The following EPHA3 variants were observed in gnomAD, a reference collection of about 807,000 sequenced individuals.
EPHA3 encodes the protein ephrin type-A receptor 3.
In EPHA3, 42 loss-of-function variants were observed where a neutral mutation model predicts 107.1. That is an observed-to-expected ratio of 0.39 (90% CI 0.31 to 0.51). The LOEUF (loss-of-function observed/expected upper bound fraction) is 0.51, where lower values mean the gene tolerates loss of function less well. Ranked by LOEUF, EPHA3 falls within the 20% of genes least tolerant of loss-of-function variation. The pLI is 0.78. For missense variants in EPHA3, 1,183 were observed against 1,211.2 expected (o/e 0.98, Z 0.35); for synonymous variants, 461 against 424.8 (o/e 1.09, Z -1.05).
intron 5 of EPHA3, among the ~76,000 whole-genome samples, chr3:89,393,245 G>C (rs1191824652): frequency 6.6e-6 from 1 of 152,094 alleles, no homozygotes; most frequent in Non-Finnish European, 1.5e-5. Flanking sequence ...AGTAAGTGTG[G>C]AATTACAAAA....
intron 5 of EPHA3, among the ~76,000 whole-genome samples, chr3:89,370,999 C>G (rs960627793): frequency 6.6e-6 from 1 of 151,656 alleles, no homozygotes; most frequent in East Asian, 1.9e-4. Flanking sequence ...AATAAAAGAA[C>G]TACCAAGGAA....
intron 3 of EPHA3, among the ~76,000 whole-genome samples, chr3:89,315,969 T>A (rs2107369637): frequency 6.6e-6 from 1 of 151,922 alleles, no homozygotes; most frequent in South Asian, 2.1e-4. Context: ...GACCCACATG[T>A]AGAGTCAGGG....
chr3:89,481,641 GT>G lies in EPHA3; in HGVS notation c.*2141del. On this transcript the variant is annotated 3_prime_UTR_variant, in exon 17 of 17. Transcript: ENST00000336596. ...CTGTGGTTTCCATCTGAAAGTAGAG[GT>G]TGTATACACCATATACTGTTCTTCA... 1 of 232,410 alleles carries G rather than the reference GT, an allele frequency of 4.3e-6. No homozygotes were observed. Among genetic ancestry groups the G allele is most frequent in the Non-Finnish European group, 8.5e-6 (1 of 117,306 alleles). The allele number at this position is 232,410 out of a possible 1,614,324, so 14.4% of individuals were successfully genotyped here. A position where few individuals can be genotyped will look rare whatever the true frequency, so the allele number is the denominator to read the frequency against.
At chr3:89,387,127 A>C (rs1180757270) in intron 5 of EPHA3, among the ~76,000 whole-genome samples, 1 of 152,108 alleles carries the variant, frequency 6.6e-6, no homozygotes, top group African/African-American at 2.4e-5. Flanking sequence ...GAAGGGCATG[A>C]TTATGTTTTA....
intron 5 of EPHA3, among the ~76,000 whole-genome samples, chr3:89,382,935 G>GCCC: frequency 6.6e-6 from 1 of 152,278 alleles, no homozygotes; most frequent in South Asian, 2.1e-4. Flanking sequence ...GGCCTCAGAT[G>GCCC]CCAGAGCATC....
chr3:89,328,286 G>A (rs1215285488), intron 3 of EPHA3, among the ~76,000 whole-genome samples: 5 of 152,000 alleles, frequency 3.3e-5, no homozygotes, highest in African/African-American at 7.2e-5. Context: ...CCATTACATG[G>A]GAAGCAGGCA....
chr3:89,161,256 T>C (rs1184066555), intron 2 of EPHA3, among the ~76,000 whole-genome samples: 2 of 152,192 alleles, frequency 1.3e-5, no homozygotes, highest in African/African-American at 2.4e-5. Flanking sequence ...ATTCACATGG[T>C]TACAATTTCA....
chr3:89,425,577 C>A (rs1171835615), intron 11 of EPHA3, among the ~76,000 whole-genome samples: 1 of 151,228 alleles, frequency 6.6e-6, no homozygotes, highest in Non-Finnish European at 1.5e-5. Flanking sequence ...ATAGCATTTC[C>A]ATTTGAAATT....
intron 5 of EPHA3, among the ~76,000 whole-genome samples, chr3:89,342,852 T>TAG (rs1707561278): frequency 7.7e-6 from 1 of 129,800 alleles, no homozygotes; most frequent in African/African-American, 3.4e-5. Context: ...GTCTTATTTT[T>TAG]ACACATACAC....
intron 1 of EPHA3, among the ~76,000 whole-genome samples, chr3:89,116,252 T>A (rs949338159): frequency 1.3e-5 from 2 of 152,122 alleles, no homozygotes; most frequent in Admixed American, 1.3e-4. Flanking sequence ...GTGAGGAAAT[T>A]GTACAATATA....
chr3:89,314,030 T>C (rs1706835070), intron 3 of EPHA3, among the ~76,000 whole-genome samples: 1 of 152,074 alleles, frequency 6.6e-6, no homozygotes, highest in Admixed American at 6.6e-5. Context: ...GAAGAATTAA[T>C]GTTGTGTAAT....
chr3:89,152,959 C>T (rs998703723), intron 2 of EPHA3, among the ~76,000 whole-genome samples: 2 of 152,024 alleles, frequency 1.3e-5, no homozygotes, highest in Non-Finnish European at 2.9e-5. Flanking sequence ...TTTTTGTCTA[C>T]TATTTCATAA....
intron 5 of EPHA3, among the ~76,000 whole-genome samples, chr3:89,351,273 C>T (rs1576329065): frequency 1.3e-5 from 2 of 151,352 alleles, no homozygotes; most frequent in South Asian, 2.1e-4. Context: ...AGCGAGATTC[C>T]GTGGGCGTAG....
Position 89,476,669 on chromosome 3 carries a change from G to A in EPHA3, c.2847-2728G>A, listed in dbSNP as rs1391554264. ...GTCGCCCAGGCTGGAGTGCAGTGGCGCGATCTCGGCTCACTGCAAGCTCCG... is the reference window on the plus strand; with the variant it reads ...GTCGCCCAGGCTGGAGTGCAGTGGCACGATCTCGGCTCACTGCAAGCTCCG... On this transcript the variant is annotated intron_variant, in intron 16 of 16. Coordinates refer to ENST00000336596, the MANE Select transcript of EPHA3 (RefSeq NM_005233.6). 4.0e-5 allele frequency among the ~76,000 whole-genome samples: 6 copies of A among 150,742 alleles called. No individual in the cohort carries two copies. The East Asian group carries it at 5.9e-4, about 15-fold the overall frequency.
At chr3:89,324,346 T>C (rs1269837374) in intron 3 of EPHA3, among the ~76,000 whole-genome samples, 1 of 151,654 alleles carries the variant, frequency 6.6e-6, no homozygotes, top group Non-Finnish European at 1.5e-5. Flanking sequence ...TTTTTTTGTA[T>C]TTTTAGTAGA....
chr3:89,426,684 G>C (rs1022373883), intron 11 of EPHA3, among the ~76,000 whole-genome samples: 1 of 151,802 alleles, frequency 6.6e-6, no homozygotes, highest in Non-Finnish European at 1.5e-5. Context: ...ATAAGTAAAG[G>C]TCTGAGTAGT....
chr3:89,136,569 G>C (rs1399143414), intron 2 of EPHA3, among the ~76,000 whole-genome samples: 1 of 151,508 alleles, frequency 6.6e-6, no homozygotes, highest in Non-Finnish European at 1.5e-5. Context: ...CAGTGTTTAT[G>C]TTTTAGGAGA....
chr3:89,262,720 C>A (rs1224733925), intron 3 of EPHA3, among the ~76,000 whole-genome samples: 1 of 152,212 alleles, frequency 6.6e-6, no homozygotes. Flanking sequence ...GTGAACACAG[C>A]GGTAACTGGA....
intron 2 of EPHA3, among the ~76,000 whole-genome samples, chr3:89,202,411 G>A (rs1222665745): frequency 6.6e-6 from 1 of 150,550 alleles, no homozygotes; most frequent in African/African-American, 2.4e-5. Context: ...AGCTACTCCG[G>A]TGACTGAGGC....
Sources: gnomAD v4.1 joint callset for allele counts (sites outside exome capture counted in the v4.1 genomes callset) on GRCh38, gnomAD v4.1.1 for gene constraint, MANE v1.5 for transcripts, NCBI Gene and HGNC (gene_info 2026-07-23, HGNC 2026-07-21) for gene names.